Variants in RGS16 observed in about 807,000 individuals in gnomAD.
RGS16 encodes hRGS-r.
A neutral mutation model predicts 18.1 loss-of-function variants in RGS16; 12 were observed. The observed-to-expected ratio is 0.66, with a 90% CI of 0.42 to 1.07. The LOEUF is 1.07. Ranked by LOEUF, RGS16 falls within the 50% of genes least tolerant of loss-of-function variation. RGS16 has a pLI of 0.00. For synonymous variants in RGS16, 88 were observed against 102.0 expected (o/e 0.86, Z 0.83); for missense variants, 238 against 249.2 (o/e 0.95, Z 0.30).
chr1:182,604,160 C>A lies in RGS16; in HGVS notation c.44+56G>T, dbSNP rs374585710. ...CACCCAGGTCCCCAGGCCTGCCGCT[C>A]CACTCCCTAAGAGTTGGTGGGACTT... is the stretch of plus-strand genomic sequence containing the variant. On this transcript the variant is annotated intron_variant, in intron 1 of 4. Transcript: ENST00000367558. 4.5e-4 allele frequency: 693 copies of A among 1,542,674 alleles called. 1 individual carries two copies. Among genetic ancestry groups the A allele is most frequent in the Non-Finnish European group, 4.8e-4 (552 of 1,139,610 alleles).
intron 1 of RGS16, among the ~76,000 whole-genome samples, 194 bp downstream of exon 1, chr1:182,604,022 C>T (rs1661910571): frequency 6.6e-6 from 1 of 152,212 alleles, no homozygotes; most frequent in African/African-American, 2.4e-5. Context: ...CAGCAAGCCG[C>T]GGGCCCTTGC....
Position 182,604,228 on chromosome 1 carries a change from G to C in RGS16, c.32C>G (p.Thr11Ser), listed in dbSNP as rs1335271808. 1 of 1,552,082 alleles carries C rather than the reference G, an allele frequency of 6.4e-7. No individual in the cohort carries two copies. The highest frequency in any genetic ancestry group is 8.7e-7 in the Non-Finnish European group (1 of 1,147,108). The change falls in exon 1 of 5, where the codon ACC (threonine) becomes AGC (serine). Residue 11 changes from threonine (T) to serine (S), a missense_variant. Physicochemically the swap from Thr to Ser is moderately conservative, Grantham distance 58. Coordinates refer to ENST00000367558, the MANE Select transcript of RGS16 (RefSeq NM_002928.4). MCRTLAAFPTTCLERAKEFKT... is the reference protein window; with the variant it reads MCRTLAAFPTSCLERAKEFKT... ...AACCTCCCCTTACCTCTCCAGGCAG[G>C]TGGTGGGGAAGGCGGCCAGGGTGCG...
intron 2 of RGS16, 81 bp downstream of exon 2, chr1:182,603,148 C>A: frequency 9.8e-7 from 1 of 1,015,618 alleles, no homozygotes. Flanking sequence ...CGTGTCCTGG[C>A]TTCTCCCTGT....
rs1259097453 is a variant in RGS16, at chr1:182,602,039, C to G, written c.314G>C (p.Arg105Pro). 6.2e-7 allele frequency: 1 copy of G among 1,614,136 alleles called. No individual in the cohort carries two copies. The highest frequency in any genetic ancestry group is 8.5e-7 in the Non-Finnish European group (1 of 1,180,016). ...CCTGGAGGCCAGCTTGGTAGCTGAT[C>G]GGATCTTCTTGAACTCCTCACAGGC... ...WLACEEFKKI[R>P]SATKLASRAH... Residue 105 changes from arginine (R) to proline (P), a missense_variant, in exon 4 of 5, where the codon CGA becomes CCA. Physicochemically the swap from Arg to Pro is moderately radical, Grantham distance 103. Coordinates refer to ENST00000367558, the MANE Select transcript of RGS16 (RefSeq NM_002928.4).
chr1:182,601,786 C>G (rs1470799776), intron 4 of RGS16, 180 bp downstream of exon 4: 5 of 708,314 alleles, frequency 7.1e-6, no homozygotes, highest in Non-Finnish European at 1.2e-5. Flanking sequence ...GGGTTAAGCA[C>G]CCAGGAGTGG....
Position 182,602,138 on chromosome 1 carries a change from G to GCC in RGS16, c.221-7_221-6insGG, listed in dbSNP as rs778470266. ...GTGGAAGGCAGCCACTCCATCTGGGGTTGCGGGAAAGAAGAGGAAATAGGT... is the reference window on the plus strand; with the variant it reads ...GTGGAAGGCAGCCACTCCATCTGGGGCCTTGCGGGAAAGAAGAGGAAATAGGT... On this transcript the variant is annotated splice_polypyrimidine_tract_variant and splice_region_variant and intron_variant, in intron 3 of 4. Coordinates refer to ENST00000367558, the MANE Select transcript of RGS16 (RefSeq NM_002928.4). 5.6e-6 allele frequency: 9 copies of GCC among 1,614,008 alleles called. No individual in the cohort carries two copies. The highest frequency in any genetic ancestry group is 7.6e-6 in the Non-Finnish European group (9 of 1,179,890).
rs762951464 is a variant in RGS16 at position 182,603,302 on chromosome 1, GAAGA to G, written c.78_81del (p.Leu27ThrfsTer43). 1.2e-6 allele frequency: 2 copies of G among 1,614,146 alleles called. No individual in the cohort carries two copies. The highest frequency in any genetic ancestry group is 8.5e-7 in the Non-Finnish European group (1 of 1,180,016). ...GTATCGCAGCCCAGCTCTGATTTGT[GAAGA>G]AAGATCCCCAGACGTGTCTTGAACT... On this transcript the variant is annotated frameshift_variant, in exon 2 of 5. Transcript: ENST00000367558. LOFTEE classifies it high-confidence loss of function.
rs1291928231 is a variant in RGS16 at position 182,598,937 on chromosome 1, A to C, written c.*1355T>G. The stretch of plus-strand genomic sequence containing the variant: ...AATGTTATGACAATCACAGAAAACC[A>C]ATGATACAATACACTTAAATAATCT... On this transcript the variant is annotated 3_prime_UTR_variant, in exon 5 of 5. Coordinates refer to ENST00000367558, the MANE Select transcript of RGS16 (RefSeq NM_002928.4). The C allele has an allele frequency of 6.6e-6, 1 of 152,610 alleles. No individual in the cohort carries two copies. The highest frequency in any genetic ancestry group is 1.9e-4 in the East Asian group (1 of 5,202). The allele number at this position is 152,610 out of a possible 1,614,324, so 9.5% of individuals were successfully genotyped here.
At chr1:182,604,156 C>A in intron 1 of RGS16, 60 bp downstream of exon 1, 1 of 1,538,588 alleles carries the variant, frequency 6.5e-7, no homozygotes, top group Non-Finnish European at 8.8e-7. Flanking sequence ...CCAGGCCTGC[C>A]GCTCCACTCC....
chr1:182,600,342 C>T lies in RGS16; in HGVS notation c.559G>A (p.Ala187Thr), dbSNP rs548618337. The change falls in exon 5 of 5, where the codon GCC (alanine) becomes ACC (threonine). Residue 187 changes from alanine (A) to threonine (T), a missense_variant. Coordinates refer to ENST00000367558, the MANE Select transcript of RGS16 (RefSeq NM_002928.4). ...YRDLAAQASAASATLSSCSLD... is the reference protein window; with the variant it reads ...YRDLAAQASATSATLSSCSLD... The stretch of plus-strand genomic sequence containing the variant: ...CTGCAGCTGGACAGAGTGGCAGAGG[C>T]GGCTGAGGCTTGGGCAGCCAGGTCC... 132 of 1,613,844 alleles carry T rather than the reference C, an allele frequency of 8.2e-5. 1 individual carries two copies. Among genetic ancestry groups the T allele is most frequent in the South Asian group, 6.7e-4 (61 of 91,062 alleles).
At position 182,600,453 on chromosome 1, in the gene RGS16, T is replaced by A; in HGVS notation, c.448A>T (p.Thr150Ser). 1.2e-6 allele frequency: 2 copies of A among 1,614,060 alleles called. No individual in the cohort carries two copies. Among genetic ancestry groups the A allele is most frequent in the Non-Finnish European group, 1.7e-6 (2 of 1,179,988 alleles). Residue 150 changes from threonine (T) to serine (S), a missense_variant, in exon 5 of 5, where the codon ACA becomes TCA. Physicochemically the swap from Thr to Ser is moderately conservative, Grantham distance 58 (BLOSUM62 1). Coordinates refer to ENST00000367558, the MANE Select transcript of RGS16 (RefSeq NM_002928.4). ...TTCCCCTGAGCCGCATCAAAGCATG[T>A]GGCTGTGGCAGTCTGCAGGTTCATC... ...TRMNLQTATA[T>S]CFDAAQGKTR...
At chr1:182,602,912 A>G (rs997039892) in intron 2 of RGS16, among the ~76,000 whole-genome samples, 3 of 152,204 alleles carry the variant, frequency 2.0e-5, no homozygotes, top group Admixed American at 6.5e-5. Context: ...CATACTAGAA[A>G]ACTTCAAGTG....
At position 182,600,482 on chromosome 1, in the gene RGS16, G is replaced by T; in HGVS notation, c.419C>A (p.Thr140Lys). 6.2e-7 allele frequency: 1 copy of T among 1,613,974 alleles called. No individual in the cohort carries two copies. Among genetic ancestry groups the T allele is most frequent in the Non-Finnish European group, 8.5e-7 (1 of 1,179,954 alleles). Residue 140 changes from threonine to lysine, a missense_variant, in exon 5 of 5, where the codon ACG (threonine) becomes AAG (lysine). Transcript: ENST00000367558. ...TGTGGCAGTCTGCAGGTTCATCCTC[G>T]TCAGCTCGTGGGTCTCATGGTCAAT... Reference protein sequence around the residue: ...VNIDHETHELTRMNLQTATAT... With the variant: ...VNIDHETHELKRMNLQTATAT...
intron 4 of RGS16, among the ~76,000 whole-genome samples, chr1:182,601,743 C>T (rs1661865899): frequency 6.6e-6 from 1 of 152,204 alleles, no homozygotes; most frequent in Non-Finnish European, 1.5e-5. Flanking sequence ...GCCGAAAAAC[C>T]TGCCAACACA....
intron 4 of RGS16, among the ~76,000 whole-genome samples, chr1:182,601,534 T>C (rs1163943340): frequency 2.0e-5 from 3 of 152,158 alleles, no homozygotes; most frequent in East Asian, 3.9e-4. Context: ...CTTTAGCAAA[T>C]GCAGCTGCCA....
rs750361816 is a variant in RGS16, at chr1:182,603,278, T to C, written c.106A>G (p.Thr36Ala). 6.2e-7 allele frequency: 1 copy of C among 1,614,200 alleles called. No individual in the cohort carries two copies. The highest frequency in any genetic ancestry group is 1.1e-5 in the South Asian group (1 of 91,080). Residue 36 changes from threonine (T) to alanine (A), a missense_variant, in exon 2 of 5, where the codon ACT becomes GCT. Thr to Ala is a moderately conservative substitution (Grantham distance 58, BLOSUM62 0). Transcript: ENST00000367558. ...CACTCGAACTTGCCAGTACTCCCAG[T>C]ATCGCAGCCCAGCTCTGATTTGTGA... ...FLHKSELGCDTGSTGKFEWGS... is the reference protein window; with the variant it reads ...FLHKSELGCDAGSTGKFEWGS...
At chr1:182,603,858 C>A (rs1571280036) in intron 1 of RGS16, among the ~76,000 whole-genome samples, 1 of 151,980 alleles carries the variant, frequency 6.6e-6, no homozygotes, top group East Asian at 1.9e-4. Context: ...GCAGAGGAGG[C>A]AATGCCCCTA....
chr1:182,602,511 G>A (rs1467655666), intron 2 of RGS16, 27 bp from the exon 3 acceptor site: 8 of 1,589,668 alleles, frequency 5.0e-6, no homozygotes, highest in Non-Finnish European at 6.9e-6. Flanking sequence ...AAAAAAAAGA[G>A]TAAGAAAAAA....
chr1:182,602,542 G>A (rs1389604820), intron 2 of RGS16, 58 bp from the exon 3 acceptor site: 1 of 1,386,432 alleles, frequency 7.2e-7, no homozygotes, highest in African/African-American at 1.4e-5. Flanking sequence ...CCAAAGCATA[G>A]TACAAATTCT....
Sources: gnomAD v4.1 joint callset for allele counts (sites outside exome capture counted in the v4.1 genomes callset) on GRCh38, gnomAD v4.1.1 for gene constraint, MANE v1.5 for transcripts, NCBI Gene and HGNC (gene_info 2026-07-23, HGNC 2026-07-21) for gene names.